The following NLGN4X variants were observed in gnomAD, a reference collection of about 807,000 sequenced individuals.
NLGN4X encodes neuroligin-4, X-linked.
Under a neutral mutation model 40.3 loss-of-function variants are expected in NLGN4X, and 3 were observed. The observed-to-expected ratio is 0.07, with a 90% CI of 0.03 to 0.19. The LOEUF is 0.19. NLGN4X is among the 10% of genes least tolerant of loss of function. The pLI is 1.00. For missense variants in NLGN4X, 382 were observed against 708.3 expected (o/e 0.54, Z 5.23); for synonymous variants, 270 against 306.8 (o/e 0.88, Z 1.25).
chrX:6,136,092 G>A (rs1371401164), intron 2 of NLGN4X, among the ~76,000 whole-genome samples: 1 of 111,529 alleles, frequency 9.0e-6, no homozygotes, highest in African/African-American at 3.3e-5. Context: ...ACAAGGTCTT[G>A]CTCTGTCTCC....
chrX:5,903,484 G>T lies in NLGN4X; in HGVS notation c.1194C>A (p.Ser398=), dbSNP rs368762265. The change falls in exon 5 of 6, where the codon TCC becomes TCA. Residue 398 remains serine, a synonymous_variant. Coordinates refer to ENST00000381095, the MANE Select transcript of NLGN4X (RefSeq NM_181332.3). The part of the protein sequence containing the change: ...DGVTPNDFDF[S]VSNFVDNLYG... The stretch of plus-strand genomic sequence containing the variant: ...AAAGGTTGTCCACGAAGTTGGACAC[G>T]GAGAAGTCAAAGTCGTTGGGCGTCA... The T allele has an allele frequency of 5.0e-6, 6 of 1,206,922 alleles. No individual in the cohort carries two copies. The highest frequency in any genetic ancestry group is 1.8e-5 in the South Asian group (1 of 56,668).
At chrX:6,114,268 G>A (rs953824231) in intron 2 of NLGN4X, among the ~76,000 whole-genome samples, 1 of 111,726 alleles carries the variant, frequency 9.0e-6, no homozygotes, top group African/African-American at 3.3e-5. Context: ...AAAAGACTTA[G>A]TAGGATATTA....
chrX:5,964,087 G>C lies in NLGN4X; in HGVS notation c.626-54848C>G, dbSNP rs142757767. Among the ~76,000 whole-genome samples, 648 of 111,827 alleles carry C rather than the reference G, an allele frequency of 5.8e-3. 7 individuals carry two copies. Among genetic ancestry groups the C allele is most frequent in the African/African-American group, 0.019 (593 of 30,835 alleles). On this transcript the variant is annotated intron_variant, in intron 3 of 5. Coordinates refer to ENST00000381095, the MANE Select transcript of NLGN4X (RefSeq NM_181332.3). ...GTTCAGTGTATTTAAGTTAGGTCTTGAGGAAGGTGTAAAGACTGGAGCCAG... is the reference window on the plus strand; with the variant it reads ...GTTCAGTGTATTTAAGTTAGGTCTTCAGGAAGGTGTAAAGACTGGAGCCAG...
At chrX:6,015,373 A>C (rs2036367231) in intron 3 of NLGN4X, among the ~76,000 whole-genome samples, 1 of 111,355 alleles carries the variant, frequency 9.0e-6, no homozygotes, top group African/African-American at 3.3e-5. Context: ...ACTTCACTTA[A>C]ACTAGAAACT....
At chrX:5,908,080 A>C (rs771445092) in intron 4 of NLGN4X, among the ~76,000 whole-genome samples, 2 of 90,644 alleles carry the variant, frequency 2.2e-5, no homozygotes, top group East Asian at 7.5e-4. Context: ...AGACAGTGGA[A>C]GGAGGGGGAG....
chrX:5,925,893 T>C lies in NLGN4X; in HGVS notation c.626-16654A>G, dbSNP rs77697133. Among the ~76,000 whole-genome samples, 94 of 14,139 alleles carry C rather than the reference T, an allele frequency of 6.6e-3. 5 individuals carry two copies. Among genetic ancestry groups the C allele is most frequent in the African/African-American group, 0.022 (31 of 1,421 alleles). The allele number at this position is 14,139 out of a possible 115,157, so 12.3% of individuals were successfully genotyped here. On this transcript the variant is annotated intron_variant, in intron 3 of 5. Coordinates refer to ENST00000381095, the MANE Select transcript of NLGN4X (RefSeq NM_181332.3). ...ATATACATACACACATATATATATA[T>C]ATATATATATATATATATATATATA... is the stretch of plus-strand genomic sequence containing the variant.
intron 5 of NLGN4X, 110 bp downstream of exon 5, chrX:5,902,967 T>A: frequency 1.2e-6 from 1 of 857,178 alleles, no homozygotes; most frequent in Non-Finnish European, 1.7e-6. Context: ...TGCATGTGTA[T>A]GTGTGTGTAT....
chrX:6,193,098 G>C (rs945254791), intron 1 of NLGN4X, among the ~76,000 whole-genome samples: 3 of 111,884 alleles, frequency 2.7e-5, no homozygotes, highest in African/African-American at 9.7e-5. Flanking sequence ...ACTTACCATT[G>C]CCTCGTCCTT....
At chrX:5,905,776 C>A (rs1211592119) in intron 4 of NLGN4X, among the ~76,000 whole-genome samples, 1 of 111,908 alleles carries the variant, frequency 8.9e-6, no homozygotes, top group African/African-American at 3.2e-5. Context: ...GCCTTCCAGG[C>A]TCAAATGATC....
intron 1 of NLGN4X, among the ~76,000 whole-genome samples, chrX:6,161,592 T>C (rs1304430955): frequency 9.4e-6 from 1 of 106,916 alleles, no homozygotes; most frequent in Non-Finnish European, 1.9e-5. Flanking sequence ...CATAGAAGCT[T>C]AATATTTCAA....
At chrX:5,994,261 C>T (rs1408040345) in intron 3 of NLGN4X, among the ~76,000 whole-genome samples, 2 of 111,641 alleles carry the variant, frequency 1.8e-5, no homozygotes, top group Non-Finnish European at 3.8e-5. Context: ...AGAAGGCTAC[C>T]GATTAGATTG....
intron 1 of NLGN4X, among the ~76,000 whole-genome samples, chrX:6,172,137 G>T (rs1364430938): frequency 2.7e-5 from 3 of 111,342 alleles, no homozygotes; most frequent in African/African-American, 9.8e-5. Flanking sequence ...CCCAGTCTCG[G>T]GTATTTCTTT....
At chrX:6,134,772 T>A (rs2039775484) in intron 2 of NLGN4X, among the ~76,000 whole-genome samples, 1 of 112,144 alleles carries the variant, frequency 8.9e-6, no homozygotes, top group African/African-American at 3.2e-5. Flanking sequence ...CCAGGTTATA[T>A]CACCAGCCTG....
At chrX:5,903,052 T>C (rs1056170714) in intron 5 of NLGN4X, 25 bp downstream of exon 5, 1 of 1,209,742 alleles carries the variant, frequency 8.3e-7, no homozygotes, top group Non-Finnish European at 1.1e-6. Context: ...AGGATAGTGA[T>C]ACCCCAACAC....
Position 6,018,057 on chromosome X carries a change from T to C in NLGN4X, c.625+11223A>G, listed in dbSNP as rs754924346. On this transcript the variant is annotated intron_variant, in intron 3 of 5. Transcript: ENST00000381095. The stretch of plus-strand genomic sequence containing the variant: ...ATGTATACATACACATTAGCATGTA[T>C]ACATATATAGACACATATATATACA... Among the ~76,000 whole-genome samples, 5 of 111,459 alleles carry C rather than the reference T, an allele frequency of 4.5e-5. No individual in the cohort carries two copies. The South Asian group carries it at 1.9e-3, about 42-fold the overall frequency.
intron 2 of NLGN4X, among the ~76,000 whole-genome samples, chrX:6,139,261 C>T (rs2039889063): frequency 8.9e-6 from 1 of 111,740 alleles, no homozygotes; most frequent in Non-Finnish European, 1.9e-5. Context: ...AATGGGACCT[C>T]ATGTTCTTTG....
At chrX:5,894,976 C>T (rs1481249156) in intron 5 of NLGN4X, among the ~76,000 whole-genome samples, 1 of 112,004 alleles carries the variant, frequency 8.9e-6, no homozygotes, top group Non-Finnish European at 1.9e-5. Flanking sequence ...TTCTCCTTGG[C>T]GGGACTTCTG....
rs775239190 is a variant in NLGN4X at position 6,082,948 on chromosome X, G to T, written c.473-53516C>A. On this transcript the variant is annotated intron_variant, in intron 2 of 5. Transcript: ENST00000381095. ...AAAAAAAGAGATTTTGCCATGATGC[G>T]TTTTTTTCTTTTTTTTTTTTTTTTT... Among the ~76,000 whole-genome samples, 468 of 70,210 alleles carry T rather than the reference G, an allele frequency of 6.7e-3. 31 individuals are homozygous for T. Among genetic ancestry groups the T allele is most frequent in the Non-Finnish European group, 0.01 (341 of 34,075 alleles). 61.0% of individuals were successfully genotyped at this position (70,210 alleles called of 115,157 possible). A position where few individuals can be genotyped will look rare whatever the true frequency, so the allele number is the denominator to read the frequency against.
At chrX:6,113,387 G>A (rs72609511) in intron 2 of NLGN4X, among the ~76,000 whole-genome samples, 8,681 of 110,596 alleles carry the variant, frequency 0.078, 287 homozygotes, top group East Asian at 0.18. Context: ...ACTATTATAG[G>A]TAATATTTTT....
Sources: gnomAD v4.1 joint callset for allele counts (sites outside exome capture counted in the v4.1 genomes callset) on GRCh38, gnomAD v4.1.1 for gene constraint, MANE v1.5 for transcripts, NCBI Gene and HGNC (gene_info 2026-07-23, HGNC 2026-07-21) for gene names.